DNAH10: variants seen among roughly 807,000 people sequenced by gnomAD.
The protein encoded by DNAH10 is dynein axonemal heavy chain 10, also known as axonemal beta dynein heavy chain 10.
A neutral mutation model predicts 506.6 loss-of-function variants in DNAH10; 348 were observed. That is an observed-to-expected ratio of 0.69 (90% CI 0.63 to 0.75). The LOEUF (loss-of-function observed/expected upper bound fraction) is 0.75. Ranked by LOEUF, DNAH10 falls within the 30% of genes least tolerant of loss-of-function variation. The pLI is 0.00. For missense variants in DNAH10, 5,179 were observed against 5,787.1 expected (o/e 0.89, Z 3.41); for synonymous variants, 2,059 against 2,198.6 (o/e 0.94, Z 1.78).
intron 52 of DNAH10, among the ~76,000 whole-genome samples, chr12:123,892,958 G>A (rs1344759181): frequency 6.6e-6 from 1 of 152,206 alleles, no homozygotes; most frequent in African/African-American, 2.4e-5. Flanking sequence ...GGCAAGTGAG[G>A]CCTCCTCATG....
At chr12:123,804,205 T>G (rs908087612) in intron 17 of DNAH10, among the ~76,000 whole-genome samples, 3 of 152,106 alleles carry the variant, frequency 2.0e-5, no homozygotes, top group Non-Finnish European at 4.4e-5. Context: ...GTTGTATTTT[T>G]TATGGGCTCA....
intron 16 of DNAH10, among the ~76,000 whole-genome samples, chr12:123,802,322 T>G (rs886927674): frequency 6.6e-6 from 1 of 152,216 alleles, no homozygotes; most frequent in Non-Finnish European, 1.5e-5. Flanking sequence ...GTTGTTGTTT[T>G]GAGATGGAGT....
intron 43 of DNAH10, among the ~76,000 whole-genome samples, chr12:123,869,033 C>A (rs974095776): frequency 2.6e-5 from 4 of 152,214 alleles, no homozygotes; most frequent in Non-Finnish European, 4.4e-5. Flanking sequence ...ATCTTGGGGG[C>A]CTGAATGGCC....
intron 5 of DNAH10, among the ~76,000 whole-genome samples, chr12:123,774,909 A>C (rs1285357436): frequency 6.6e-6 from 1 of 152,210 alleles, no homozygotes; most frequent in African/African-American, 2.4e-5. Flanking sequence ...AGGGTCAAGC[A>C]GTGGACAGGA....
chr12:123,773,067 C>T (rs962939245), intron 4 of DNAH10, 125 bp downstream of exon 4: 7 of 659,576 alleles, frequency 1.1e-5, no homozygotes, highest in Non-Finnish European at 1.5e-5. Context: ...TCTTTCTTTT[C>T]CATACTGTAC....
At chr12:123,814,712 T>A (rs971437586) in intron 21 of DNAH10, among the ~76,000 whole-genome samples, 4 of 151,450 alleles carry the variant, frequency 2.6e-5, no homozygotes, top group Non-Finnish European at 5.9e-5. Flanking sequence ...CCTCCCAGGT[T>A]CACGCCATTC....
rs1370258994 is a variant in DNAH10 at position 123,813,646 on chromosome 12, C to G, written c.3621+6C>G. 2 of 1,613,530 alleles carry G rather than the reference C, an allele frequency of 1.2e-6. No homozygotes were observed. The highest frequency in any genetic ancestry group is 1.7e-6 in the Non-Finnish European group (2 of 1,179,706). ...ATCTCCATGAAGAGATGGAGGTACT[C>G]AATCGCTGTGTGTAATTGAAACTAC... On this transcript the variant is annotated splice_donor_region_variant and intron_variant, in intron 20 of 78. Coordinates refer to ENST00000673944, the MANE Select transcript of DNAH10 (RefSeq NM_001372106.1).
At position 123,859,382 on chromosome 12, in the gene DNAH10, T is replaced by G. The variant is rs1951528074; in HGVS notation, c.6749+114T>G. Reference sequence around the variant, plus strand: ...CTCTGATTTCCTGGGAGGGTAAATTTGTAATACACACCCCTTTCGACTCAG... The same window carrying G: ...CTCTGATTTCCTGGGAGGGTAAATTGGTAATACACACCCCTTTCGACTCAG... On this transcript the variant is annotated intron_variant, in intron 38 of 78. Transcript: ENST00000673944. The G allele has an allele frequency of 3.9e-6, 3 of 776,312 alleles. No individual in the cohort carries two copies. The South Asian group carries it at 6.8e-5, about 18-fold the overall frequency. 48.1% of individuals were successfully genotyped at this position (776,312 alleles called of 1,614,324 possible).
At chr12:123,767,778 G>A in intron 2 of DNAH10, 89 bp downstream of exon 2, 1 of 1,118,630 alleles carries the variant, frequency 8.9e-7, no homozygotes, top group Non-Finnish European at 1.3e-6. Context: ...GCCACAATCA[G>A]TTGTACTTTC....
intron 2 of DNAH10, among the ~76,000 whole-genome samples, chr12:123,769,090 G>A (rs1957154679): frequency 1.3e-5 from 2 of 152,142 alleles, no homozygotes; most frequent in African/African-American, 4.8e-5. Flanking sequence ...AAAGACTGTG[G>A]AGAGGGAACT....
At chr12:123,869,759 G>A (rs1214914869) in intron 43 of DNAH10, among the ~76,000 whole-genome samples, 1 of 152,088 alleles carries the variant, frequency 6.6e-6, no homozygotes, top group Non-Finnish European at 1.5e-5. Flanking sequence ...TCTCTCTCAT[G>A]TTCAGTCTCC....
rs188472131 is a variant in DNAH10, at chr12:123,902,738, G to A, written c.9641-201G>A. ...GTTGAGGAAGGTCAGAGTCAGGGTG[G>A]CTGCCTAGTGCTGGAGGCCCCACGC... On this transcript the variant is annotated intron_variant, in intron 56 of 78. Transcript: ENST00000673944. This position sits in a 1 kb window ranked among gnomAD's most constrained non-coding sequence, Gnocchi z 4.5. Among the ~76,000 whole-genome samples the A allele has an allele frequency of 5.1e-4, 77 of 152,294 alleles. No homozygotes were observed. The highest frequency in any genetic ancestry group is 1.8e-3 in the African/African-American group (76 of 41,560).
In DNAH10 at chr12:123,903,410, C is replaced by T. The variant is rs185840886; in HGVS notation, c.9815+297C>T. On this transcript the variant is annotated intron_variant, in intron 57 of 78. Coordinates refer to ENST00000673944, the MANE Select transcript of DNAH10 (RefSeq NM_001372106.1). The surrounding 1 kb of genome is among the most constrained non-coding windows in gnomAD (Gnocchi z 4.6). Reference sequence around the variant, plus strand: ...GAGTGGGGTAAAACAGTGCTCTTCACGGAACATGCGGGGGCAAGTGTCCGC... The same window carrying T: ...GAGTGGGGTAAAACAGTGCTCTTCATGGAACATGCGGGGGCAAGTGTCCGC... Among the ~76,000 whole-genome samples the T allele has an allele frequency of 2.1e-3, 313 of 152,316 alleles. 2 individuals carry two copies. The highest frequency in any genetic ancestry group is 9.1e-4 in the Non-Finnish European group (62 of 68,024).
chr12:123,799,790 G>A lies in DNAH10; in HGVS notation c.2289+419G>A, dbSNP rs1434911727. 2.6e-5 allele frequency among the ~76,000 whole-genome samples: 4 copies of A among 152,184 alleles called. 1 individual carries two copies. The highest frequency in any genetic ancestry group is 1.9e-4 in the East Asian group (1 of 5,174). ...TGGGCCCCGCACTTGGTGAATGCTC[G>A]ATAAACGAACACCTGCCGTTAGGGA... On this transcript the variant is annotated intron_variant, in intron 14 of 78. Coordinates refer to ENST00000673944, the MANE Select transcript of DNAH10 (RefSeq NM_001372106.1).
rs868801625 is a variant in DNAH10, at chr12:123,807,549, C to G, written c.2988-1248C>G. On this transcript the variant is annotated intron_variant, in intron 18 of 78. Transcript: ENST00000673944. ...AGCCAAAAACTGCTGTGAAGACCCA[C>G]AGGTGGGCCTTTGGTCAGTGGAAGA... Among the ~76,000 whole-genome samples the G allele has an allele frequency of 3.9e-5, 6 of 152,114 alleles. 1 individual carries two copies. Among genetic ancestry groups the G allele is most frequent in the Middle Eastern group, 6.8e-3 (2 of 294 alleles).
At chr12:123,841,838 A>G (rs777462175) in intron 30 of DNAH10, among the ~76,000 whole-genome samples, 14 of 152,090 alleles carry the variant, frequency 9.2e-5, no homozygotes, top group Non-Finnish European at 1.8e-4. Context: ...GTTGTGCACT[A>G]CCATGCCTGG....
Position 123,879,734 on chromosome 12 carries a change from T to C in DNAH10, c.8567T>C (p.Leu2856Pro), listed in dbSNP as rs1384274175. Reference protein sequence around the residue: ...PILFGDFQMALHEGEPRIYED... With the variant: ...PILFGDFQMAPHEGEPRIYED... ...TTGTTTGGAGACTTCCAGATGGCTC[T>C]GCACGAAGGAGAACCACGCATTTAT... is the stretch of plus-strand genomic sequence containing the variant. Residue 2856 changes from leucine to proline, a missense_variant, in exon 50 of 79, where the codon CTG becomes CCG. By Grantham distance (98) the Leu-to-Pro change is moderately conservative (BLOSUM62 -3). Coordinates refer to ENST00000673944, the MANE Select transcript of DNAH10 (RefSeq NM_001372106.1). The C allele has an allele frequency of 1.9e-6, 3 of 1,613,924 alleles. No homozygotes were observed. In the African/African-American group the frequency reaches 4.0e-5, roughly 22 times the overall value.
rs747710628 is a variant in DNAH10 at position 123,851,049 on chromosome 12, C to T, written c.6264C>T (p.Leu2088=). 16 of 1,611,026 alleles carry T rather than the reference C, an allele frequency of 9.9e-6. No homozygotes were observed. The highest frequency in any genetic ancestry group is 3.3e-5 in the Admixed American group (2 of 59,874). Residue 2088 remains leucine (L), a synonymous_variant, in exon 35 of 79, where the codon CTC becomes CTT. Coordinates refer to ENST00000673944, the MANE Select transcript of DNAH10 (RefSeq NM_001372106.1). ...TGCAGCAGATCTGTGAGATCATGCT[C>T]TTCTCTGAGGGCTTCCTGGAGGCCA... The part of the protein sequence containing the change: ...PDLQQICEIM[L]FSEGFLEAKT...
chr12:123,932,738 A>G lies in DNAH10; in HGVS notation c.13297-593A>G, dbSNP rs117540270. 9.5e-4 allele frequency: 145 copies of G among 152,674 alleles called. 1 individual carries two copies. The highest frequency in any genetic ancestry group is 2.0e-3 in the Admixed American group (30 of 15,310). The allele number at this position is 152,674 out of a possible 1,614,324, so 9.5% of individuals were successfully genotyped here. A position where few individuals can be genotyped will look rare whatever the true frequency, so the allele number is the denominator to read the frequency against. The stretch of plus-strand genomic sequence containing the variant: ...ATCACTGTCTCCCTGATAGGTGAAA[A>G]TAATATCTCATTGTTTTGCATGTCT... On this transcript the variant is annotated intron_variant, in intron 76 of 78. Coordinates refer to ENST00000673944, the MANE Select transcript of DNAH10 (RefSeq NM_001372106.1).
Sources: gnomAD v4.1 joint callset for allele counts (sites outside exome capture counted in the v4.1 genomes callset) on GRCh38, gnomAD v4.1.1 for gene constraint, Gnocchi (gnomAD v3.1) non-coding constraint, MANE v1.5 for transcripts, NCBI Gene and HGNC (gene_info 2026-07-23, HGNC 2026-07-21) for gene names.